PLXNA2: variants seen among roughly 807,000 people sequenced by gnomAD.
PLXNA2 encodes the protein plexin-A2.
In PLXNA2, 91 loss-of-function variants were observed where a neutral mutation model predicts 193.5. The observed-to-expected ratio is 0.47, with a 90% CI of 0.40 to 0.56. PLXNA2 has a LOEUF of 0.56. PLXNA2 is among the 20% of genes least tolerant of loss of function. The probability of loss-of-function intolerance (pLI) is 0.00; values close to 1 mark genes in which losing one functional copy is unlikely to be tolerated. For synonymous variants in PLXNA2, 997 were observed against 1,027.3 expected (o/e 0.97, Z 0.56); for missense variants, 1,995 against 2,503.2 (o/e 0.80, Z 4.33).
Position 208,169,767 on chromosome 1 carries a change from G to A in PLXNA2, c.1372-27304C>T, listed in dbSNP as rs779405091. On this transcript the variant is annotated intron_variant, in intron 3 of 31. Transcript: ENST00000367033. ...GCCAGGGAACCTGGATTCTAGCCCC[G>A]ATTATGGTGCAAATCAAGTATAGCC... Among the ~76,000 whole-genome samples, 69 of 152,084 alleles carry A rather than the reference G, an allele frequency of 4.5e-4. 1 individual carries two copies. Among genetic ancestry groups the A allele is most frequent in the African/African-American group, 9.6e-5 (4 of 41,462 alleles).
At chr1:208,226,407 C>G (rs907175086) in intron 1 of PLXNA2, among the ~76,000 whole-genome samples, 1 of 152,098 alleles carries the variant, frequency 6.6e-6, no homozygotes, top group African/African-American at 2.4e-5. Flanking sequence ...CACACCAGCT[C>G]TCCCAGGGCC....
At chr1:208,030,379 TG>T in intron 29 of PLXNA2, 1 of 985,718 alleles carries the variant, frequency 1.0e-6, no homozygotes, top group Non-Finnish European at 1.2e-6. Context: ...GACTTTCTCT[TG>T]ATTTCCCCTG....
chr1:208,164,154 A>T lies in PLXNA2; in HGVS notation c.1372-21691T>A, dbSNP rs139211267. ...GCATGTGTGTGCCCCATTAGAGAGC[A>T]TTTGGTTAGGGGACACCTTTAGCCC... On this transcript the variant is annotated intron_variant, in intron 3 of 31. Transcript: ENST00000367033. 5.6e-4 allele frequency among the ~76,000 whole-genome samples: 85 copies of T among 152,332 alleles called. 1 individual carries two copies. The highest frequency in any genetic ancestry group is 2.0e-3 in the African/African-American group (85 of 41,578).
At chr1:208,161,961 C>G (rs1669118959) in intron 3 of PLXNA2, among the ~76,000 whole-genome samples, 2 of 152,214 alleles carry the variant, frequency 1.3e-5, no homozygotes, top group Non-Finnish European at 2.9e-5. Flanking sequence ...GGGTGCCTGG[C>G]AGGGTAGGTG....
At chr1:208,143,064 G>A (rs1668502722) in intron 3 of PLXNA2, among the ~76,000 whole-genome samples, 1 of 152,186 alleles carries the variant, frequency 6.6e-6, no homozygotes, top group African/African-American at 2.4e-5. Context: ...CCCATCCTAG[G>A]AAAATAAGTC....
intron 12 of PLXNA2, among the ~76,000 whole-genome samples, chr1:208,064,759 T>A (rs1264168458): frequency 6.6e-6 from 1 of 152,148 alleles, no homozygotes; most frequent in Admixed American, 6.5e-5. Flanking sequence ...GATTCGGAGA[T>A]GGCCAGGGAG....
chr1:208,214,059 C>A (rs150037456), intron 2 of PLXNA2, among the ~76,000 whole-genome samples: 1 of 151,988 alleles, frequency 6.6e-6, no homozygotes, highest in Non-Finnish European at 1.5e-5. Flanking sequence ...TTAACCCTTA[C>A]GGAGGGTTAC....
At chr1:208,129,975 T>C (rs544701897) in intron 4 of PLXNA2, among the ~76,000 whole-genome samples, 12 of 152,310 alleles carry the variant, frequency 7.9e-5, no homozygotes, top group Middle Eastern at 3.4e-3. Context: ...TAAATATTAG[T>C]TGAGGGACAG....
rs750475344 is a variant in PLXNA2, at chr1:208,054,552, A to G, written c.2739-14T>C. On this transcript the variant is annotated splice_polypyrimidine_tract_variant and intron_variant, in intron 13 of 31. Coordinates refer to ENST00000367033, the MANE Select transcript of PLXNA2 (RefSeq NM_025179.4). Reference sequence around the variant, plus strand: ...TCACAGACAATCCTGGGGAGAAAGCAAACCTTCTGGTGAGGGACTGGGCAA... The same window carrying G: ...TCACAGACAATCCTGGGGAGAAAGCGAACCTTCTGGTGAGGGACTGGGCAA... The G allele has an allele frequency of 4.4e-6, 7 of 1,593,646 alleles. No individual in the cohort carries two copies. The highest frequency in any genetic ancestry group is 6.0e-6 in the Non-Finnish European group (7 of 1,161,598).
chr1:208,110,009 T>G lies in PLXNA2; in HGVS notation c.1507-6762A>C, dbSNP rs1667411006. Among the ~76,000 whole-genome samples the G allele has an allele frequency of 2.6e-5, 4 of 152,186 alleles. No individual in the cohort carries two copies. In the South Asian group the frequency reaches 8.3e-4, roughly 32 times the overall value. On this transcript the variant is annotated intron_variant, in intron 4 of 31. Transcript: ENST00000367033. ...TAAATGGGTGCAATTAACATGGAGATGTTGATTTTCTGTAGATTTTCTGCC... is the reference window on the plus strand; with the variant it reads ...TAAATGGGTGCAATTAACATGGAGAGGTTGATTTTCTGTAGATTTTCTGCC...
chr1:208,119,674 G>C (rs1443365490), intron 4 of PLXNA2, among the ~76,000 whole-genome samples: 1 of 152,154 alleles, frequency 6.6e-6, no homozygotes, highest in Non-Finnish European at 1.5e-5. Context: ...CAGTGGCACA[G>C]TCTCAGCTCA....
chr1:208,117,274 T>G (rs942885405), intron 4 of PLXNA2, among the ~76,000 whole-genome samples: 1 of 152,002 alleles, frequency 6.6e-6, no homozygotes, highest in Non-Finnish European at 1.5e-5. Flanking sequence ...CAGGACCACC[T>G]GGAAGTGGAT....
chr1:208,043,291 G>C, intron 20 of PLXNA2, 88 bp from the exon 21 acceptor site: 1 of 1,322,056 alleles, frequency 7.6e-7, no homozygotes, highest in Non-Finnish European at 1.1e-6. Context: ...AAGGACGAGG[G>C]GAGGACCTTT....
At chr1:208,184,232 C>T (rs531922501) in intron 3 of PLXNA2, among the ~76,000 whole-genome samples, 12 of 152,152 alleles carry the variant, frequency 7.9e-5, no homozygotes, top group African/African-American at 1.7e-4. Context: ...AGGGAAGGGA[C>T]GGGTAAGAAT....
intron 4 of PLXNA2, among the ~76,000 whole-genome samples, chr1:208,123,621 C>G (rs1305618586): frequency 2.6e-5 from 4 of 152,208 alleles, no homozygotes; most frequent in Non-Finnish European, 5.9e-5. Flanking sequence ...ATATGTCTCT[C>G]TCTTACCTCT....
At position 208,039,776 on chromosome 1, in the gene PLXNA2, AC is replaced by A. The variant is rs1358391977; in HGVS notation, c.4354-10del. The stretch of plus-strand genomic sequence containing the variant: ...GGCTCCCCTGCGCACTCCTGTGGGC[AC>A]AGACAGGGCAGGAGGTGTGGGCACG... On this transcript the variant is annotated splice_polypyrimidine_tract_variant and intron_variant, in intron 23 of 31. Coordinates refer to ENST00000367033, the MANE Select transcript of PLXNA2 (RefSeq NM_025179.4). 5 of 1,614,012 alleles carry A rather than the reference AC, an allele frequency of 3.1e-6. No homozygotes were observed. The South Asian group carries it at 5.5e-5, about 18-fold the overall frequency.
chr1:208,227,720 C>G (rs1572055542), intron 1 of PLXNA2, among the ~76,000 whole-genome samples: 1 of 152,098 alleles, frequency 6.6e-6, no homozygotes, highest in South Asian at 2.1e-4. Flanking sequence ...GTGGCAGGAG[C>G]TTTGCTAGCT....
At chr1:208,031,993 C>T (rs1664518843) in intron 28 of PLXNA2, 2 of 985,152 alleles carry the variant, frequency 2.0e-6, no homozygotes, top group Non-Finnish European at 2.4e-6. Context: ...CAGCCACATT[C>T]CACATTCCAC....
intron 4 of PLXNA2, among the ~76,000 whole-genome samples, chr1:208,125,815 C>A (rs1287151509): frequency 2.0e-5 from 3 of 152,140 alleles, no homozygotes; most frequent in Non-Finnish European, 4.4e-5. Flanking sequence ...GCATCCGCTC[C>A]CCAAGTAGCT....
Sources: gnomAD v4.1 joint callset for allele counts (sites outside exome capture counted in the v4.1 genomes callset) on GRCh38, gnomAD v4.1.1 for gene constraint, MANE v1.5 for transcripts, NCBI Gene and HGNC (gene_info 2026-07-23, HGNC 2026-07-21) for gene names.